DISP1: variants seen among roughly 807,000 people sequenced by gnomAD.
DISP1 encodes the protein protein dispatched homolog 1.
In DISP1, 30 loss-of-function variants were observed where a neutral mutation model predicts 37.3. That is an observed-to-expected ratio of 0.80 (90% confidence interval 0.60 to 1.09). The LOEUF (loss-of-function observed/expected upper bound fraction) is 1.09. Among genes scored for constraint, DISP1 ranks in the 50% least tolerant of loss-of-function variants. DISP1 has a pLI of 0.00. For missense variants in DISP1, 1,598 were observed against 1,879.5 expected (o/e 0.85, Z 2.77); for synonymous variants, 634 against 690.2 (o/e 0.92, Z 1.28).
intron 1 of DISP1, among the ~76,000 whole-genome samples, chr1:222,849,343 T>C (rs1028414634): frequency 1.2e-4 from 19 of 152,296 alleles, no homozygotes; most frequent in Admixed American, 3.3e-4. Flanking sequence ...CAAATAACCA[T>C]GTGAAAAATA....
intron 1 of DISP1, among the ~76,000 whole-genome samples, chr1:222,834,167 T>C (rs1666438012): frequency 6.6e-6 from 1 of 152,152 alleles, no homozygotes; most frequent in Non-Finnish European, 1.5e-5. Flanking sequence ...TTCAAAACTT[T>C]AAAACATTTT....
Position 223,005,949 on chromosome 1 carries a change from AGTTT to A in DISP1, c.4556_4559del (p.Leu1519Ter). On this transcript the variant is annotated frameshift_variant, in exon 9 of 9. Coordinates refer to ENST00000675850, the MANE Select transcript of DISP1 (RefSeq NM_001377229.1). LOFTEE classifies it high-confidence loss of function. ...AACACACTCGGAACTTTCTGGTGAA[AGTTT>A]GTTAATAAAAACACTATAATAAATG... 1 of 1,613,918 alleles carries A rather than the reference AGTTT, an allele frequency of 6.2e-7. No homozygotes were observed. Among genetic ancestry groups the A allele is most frequent in the Non-Finnish European group, 8.5e-7 (1 of 1,179,994 alleles).
chr1:222,823,846 G>A (rs1474377231), intron 1 of DISP1: 5 of 114,950 alleles, frequency 4.3e-5, no homozygotes, highest in Admixed American at 3.5e-4. Context: ...TTTTTTTTTC[G>A]GACTCCTAGT....
chr1:222,924,478 G>A (rs1463611476), intron 1 of DISP1, among the ~76,000 whole-genome samples: 5 of 152,246 alleles, frequency 3.3e-5, no homozygotes, highest in African/African-American at 9.6e-5. Context: ...CTAACTTCAA[G>A]TCTTCAGTGA....
chr1:222,943,247 C>G lies in DISP1; in HGVS notation c.424C>G (p.Gln142Glu). Reference sequence around the variant, plus strand: ...TGTGTATCAGACTACGTGCTGTCTTCAGCCCTCTCCATCCTTCTGCCTGCA... The same window carrying G: ...TGTGTATCAGACTACGTGCTGTCTTGAGCCCTCTCCATCCTTCTGCCTGCA... Reference protein sequence around the residue: ...SPVYQTTCCLQPSPSFCLHHP... With the variant: ...SPVYQTTCCLEPSPSFCLHHP... The change falls in exon 3 of 9, where the codon CAG becomes GAG. Residue 142 changes from glutamine to glutamate, a missense_variant. Transcript: ENST00000675850. 1 of 1,613,748 alleles carries G rather than the reference C, an allele frequency of 6.2e-7. No homozygotes were observed. Among genetic ancestry groups the G allele is most frequent in the Non-Finnish European group, 8.5e-7 (1 of 1,179,734 alleles).
At chr1:222,845,870 A>G (rs1194251430) in intron 1 of DISP1, among the ~76,000 whole-genome samples, 2 of 152,184 alleles carry the variant, frequency 1.3e-5, no homozygotes, top group African/African-American at 2.4e-5. Flanking sequence ...TTAATATTCA[A>G]AATAATTCAC....
At chr1:222,895,861 G>T in intron 1 of DISP1, among the ~76,000 whole-genome samples, 1 of 152,160 alleles carries the variant, frequency 6.6e-6, no homozygotes, top group East Asian at 1.9e-4. Flanking sequence ...ACTTTTAGAA[G>T]AAAACATAGA....
intron 8 of DISP1, among the ~76,000 whole-genome samples, chr1:222,998,197 G>A (rs1179147025): frequency 6.6e-6 from 1 of 151,242 alleles, no homozygotes. Flanking sequence ...ACAGTGGTTC[G>A]AGCAGAGTTG....
At chr1:222,987,658 T>C (rs1332307388) in intron 4 of DISP1, among the ~76,000 whole-genome samples, 1 of 152,184 alleles carries the variant, frequency 6.6e-6, no homozygotes, top group Non-Finnish European at 1.5e-5. Context: ...GAACACAAAA[T>C]TAAAAGTTAT....
intron 8 of DISP1, among the ~76,000 whole-genome samples, chr1:223,000,108 G>A (rs1482605786): frequency 6.6e-6 from 1 of 152,180 alleles, no homozygotes; most frequent in Non-Finnish European, 1.5e-5. Flanking sequence ...GCAACTCCAT[G>A]TCCTTTATCT....
chr1:222,898,164 G>T (rs991905605), intron 1 of DISP1, among the ~76,000 whole-genome samples: 4 of 152,116 alleles, frequency 2.6e-5, no homozygotes, highest in Admixed American at 1.3e-4. Context: ...GTATGTGGAA[G>T]AAATCTAACT....
chr1:222,831,433 G>A (rs1665719451), intron 1 of DISP1, among the ~76,000 whole-genome samples: 1 of 152,166 alleles, frequency 6.6e-6, no homozygotes. Flanking sequence ...AAGGAACTAT[G>A]TTTGATGCTA....
At chr1:222,957,147 A>T (rs1032635551) in intron 3 of DISP1, among the ~76,000 whole-genome samples, 1 of 71,440 alleles carries the variant, frequency 1.4e-5, no homozygotes, top group Non-Finnish European at 3.0e-5. Flanking sequence ...TACTATTGTA[A>T]AAAAAAAAAA....
chr1:222,992,161 A>G lies in DISP1; in HGVS notation c.889+51A>G, dbSNP rs777727635. ...CCACTCAGCAGTTTGCTCGCATTTA[A>G]AATTGAACATGATCACAGTCTAGAC... On this transcript the variant is annotated intron_variant, in intron 7 of 8. Coordinates refer to ENST00000675850, the MANE Select transcript of DISP1 (RefSeq NM_001377229.1). 2.2e-6 allele frequency: 3 copies of G among 1,379,912 alleles called. No individual in the cohort carries two copies. In the South Asian group the frequency reaches 3.5e-5, roughly 16 times the overall value. The allele number at this position is 1,379,912 out of a possible 1,614,324, so 85.5% of individuals were successfully genotyped here.
chr1:222,911,601 A>C (rs919537398), intron 1 of DISP1, among the ~76,000 whole-genome samples: 2 of 151,900 alleles, frequency 1.3e-5, no homozygotes, highest in Non-Finnish European at 2.9e-5. Flanking sequence ...AACTCCCAGG[A>C]ATTTCCTGGG....
intron 1 of DISP1, among the ~76,000 whole-genome samples, chr1:222,865,246 A>G (rs975574556): frequency 2.0e-5 from 3 of 152,128 alleles, no homozygotes; most frequent in African/African-American, 7.2e-5. Context: ...ATAGAATTCA[A>G]AATATATAAT....
chr1:222,832,366 AATC>A (rs142474229), intron 1 of DISP1, among the ~76,000 whole-genome samples: 19 of 152,256 alleles, frequency 1.2e-4, no homozygotes, highest in Non-Finnish European at 2.2e-4. Context: ...AAATTTGTTA[AATC>A]ATCAAGTCAT....
chr1:223,002,313 A>G (rs1679513234), intron 8 of DISP1, 72 bp from the exon 9 acceptor site: 3 of 1,350,642 alleles, frequency 2.2e-6, no homozygotes, highest in Non-Finnish European at 2.1e-6. Context: ...ACCTTAGTGC[A>G]GTCCTTTCCA....
chr1:222,992,638 A>T (rs139664085), intron 7 of DISP1, among the ~76,000 whole-genome samples: 1 of 152,116 alleles, frequency 6.6e-6, no homozygotes, highest in Non-Finnish European at 1.5e-5. Flanking sequence ...AGGTGAAAAA[A>T]ATAAAGTCTA....
Sources: gnomAD v4.1 joint callset for allele counts (sites outside exome capture counted in the v4.1 genomes callset) on GRCh38, gnomAD v4.1.1 for gene constraint, MANE v1.5 for transcripts, NCBI Gene and HGNC (gene_info 2026-07-23, HGNC 2026-07-21) for gene names.